The following SKAP2 variants were observed in gnomAD, a reference collection of about 807,000 sequenced individuals.
SKAP2 encodes src kinase associated phosphoprotein 2.
In SKAP2, 28 loss-of-function variants were observed where a neutral mutation model predicts 54.9. The observed-to-expected ratio is 0.51, with a 90% CI of 0.38 to 0.70. SKAP2 has a LOEUF of 0.70. Ranked by LOEUF, SKAP2 falls within the 30% of genes least tolerant of loss-of-function variation. The pLI, the probability that SKAP2 is intolerant of heterozygous loss-of-function variation, is 0.00. For missense variants in SKAP2, 356 were observed against 424.1 expected, an observed-to-expected ratio of 0.84 and a Z score of 1.41; for synonymous variants, 137 against 134.3, an observed-to-expected ratio of 1.02 and a Z score of -0.14.
intron 11 of SKAP2, among the ~76,000 whole-genome samples, chr7:26,679,961 A>C (rs893801053): frequency 1.4e-4 from 22 of 152,226 alleles, no homozygotes; most frequent in African/African-American, 5.3e-4. Context: ...CACAGTCTTA[A>C]CCTACATTTC....
intron 4 of SKAP2, among the ~76,000 whole-genome samples, chr7:26,789,555 T>C (rs1269888237): frequency 1.3e-5 from 2 of 152,210 alleles, no homozygotes; most frequent in Non-Finnish European, 2.9e-5. Flanking sequence ...TAAATGTGTA[T>C]TTTGCATCAT....
At chr7:26,792,925 G>GT (rs1183746750) in intron 4 of SKAP2, among the ~76,000 whole-genome samples, 1 of 152,186 alleles carries the variant, frequency 6.6e-6, no homozygotes, top group African/African-American at 2.4e-5. Flanking sequence ...AATTCTTAAA[G>GT]TTAGATATTA....
In SKAP2 at chr7:26,852,632, A is replaced by C. The variant is rs3801811; in HGVS notation, c.199+1505T>G. Among the ~76,000 whole-genome samples the C allele has an allele frequency of 1.8e-4, 28 of 152,314 alleles. No individual in the cohort carries two copies. In the East Asian group the frequency reaches 5.4e-3, roughly 29 times the overall value. Reference sequence around the variant, plus strand: ...AAATTTCCATTCTCTTTAGAGACAAAGAATGTATCTCAGTAATGTAATTTT... The same window carrying C: ...AAATTTCCATTCTCTTTAGAGACAACGAATGTATCTCAGTAATGTAATTTT... On this transcript the variant is annotated intron_variant, in intron 3 of 12. Transcript: ENST00000345317.
chr7:26,854,906 T>A lies in SKAP2; in HGVS notation c.68-16A>T. The A allele has an allele frequency of 6.6e-7, 1 of 1,505,622 alleles. No homozygotes were observed. The highest frequency in any genetic ancestry group is 9.1e-7 in the Non-Finnish European group (1 of 1,099,678). The allele number at this position is 1,505,622 out of a possible 1,614,324, so 93.3% of individuals were successfully genotyped here. A position where few individuals can be genotyped will look rare whatever the true frequency, so the allele number is the denominator to read the frequency against. ...GTTTCAACATCTAAACCATGCAATA[T>A]AAGAAACAGGATACAAATTATAAGA... On this transcript the variant is annotated splice_polypyrimidine_tract_variant and intron_variant, in intron 1 of 12. Transcript: ENST00000345317.
intron 4 of SKAP2, among the ~76,000 whole-genome samples, chr7:26,808,817 T>C (rs1245851236): frequency 6.6e-6 from 1 of 152,158 alleles, no homozygotes; most frequent in Non-Finnish European, 1.5e-5. Context: ...AATTAAAGAC[T>C]TAAGTGGAAT....
chr7:26,801,578 C>T (rs1017844006), intron 4 of SKAP2, among the ~76,000 whole-genome samples: 1 of 152,120 alleles, frequency 6.6e-6, no homozygotes, highest in African/African-American at 2.4e-5. Flanking sequence ...TCCTTGTTTG[C>T]CAATAATATG....
intron 4 of SKAP2, among the ~76,000 whole-genome samples, chr7:26,743,112 G>A (rs376151193): frequency 7.5e-4 from 114 of 152,238 alleles, no homozygotes; most frequent in Admixed American, 2.1e-3. Context: ...CCGCAATTAC[G>A]TTATCTCACT....
At chr7:26,786,585 A>G (rs1180757639) in intron 4 of SKAP2, among the ~76,000 whole-genome samples, 1 of 152,186 alleles carries the variant, frequency 6.6e-6, no homozygotes, top group African/African-American at 2.4e-5. Flanking sequence ...AGGCAGAGTA[A>G]TAGGGGACCT....
chr7:26,750,163 T>C (rs1202679997), intron 4 of SKAP2, among the ~76,000 whole-genome samples: 2 of 152,140 alleles, frequency 1.3e-5, no homozygotes, highest in Non-Finnish European at 1.5e-5. Flanking sequence ...ATAGAAACCG[T>C]GTCAGACAAC....
intron 9 of SKAP2, among the ~76,000 whole-genome samples, chr7:26,706,845 A>C (rs1374358797): frequency 1.3e-5 from 2 of 152,246 alleles, no homozygotes; most frequent in Non-Finnish European, 2.9e-5. Flanking sequence ...ACATGACTTC[A>C]AATGCAAATA....
chr7:26,841,168 A>G (rs1784809271), intron 4 of SKAP2, among the ~76,000 whole-genome samples: 1 of 152,050 alleles, frequency 6.6e-6, no homozygotes, highest in South Asian at 2.1e-4. Flanking sequence ...TGTTTCTCTG[A>G]CAAAGCTGTG....
At chr7:26,834,402 A>C (rs1414642624) in intron 4 of SKAP2, among the ~76,000 whole-genome samples, 1 of 152,330 alleles carries the variant, frequency 6.6e-6, no homozygotes, top group East Asian at 1.9e-4. Flanking sequence ...CAATGAATTC[A>C]GGAGCTGGTG....
intron 4 of SKAP2, chr7:26,742,431 G>A (rs1242162773): frequency 6.6e-6 from 1 of 152,118 alleles, no homozygotes; most frequent in African/African-American, 2.4e-5. Context: ...GGAAGTGGGG[G>A]AAAAGGAAAA....
At chr7:26,807,513 G>A (rs1220207079) in intron 4 of SKAP2, among the ~76,000 whole-genome samples, 3 of 152,192 alleles carry the variant, frequency 2.0e-5, no homozygotes, top group African/African-American at 7.2e-5. Context: ...TAAGTTTCCT[G>A]AGGCGCCCCC....
At chr7:26,841,604 T>C (rs190434108) in intron 4 of SKAP2, among the ~76,000 whole-genome samples, 7 of 152,066 alleles carry the variant, frequency 4.6e-5, no homozygotes, top group African/African-American at 1.2e-4. Context: ...AAAACACATA[T>C]GGCTTGGGGG....
chr7:26,758,202 AT>A (rs891566700), intron 4 of SKAP2, among the ~76,000 whole-genome samples: 4 of 150,616 alleles, frequency 2.7e-5, no homozygotes, highest in South Asian at 4.2e-4. Flanking sequence ...AGTGTAGGGA[AT>A]TTTTTTTTTC....
chr7:26,694,894 T>C (rs1786864057), intron 9 of SKAP2, among the ~76,000 whole-genome samples: 1 of 152,164 alleles, frequency 6.6e-6, no homozygotes, highest in South Asian at 2.1e-4. Flanking sequence ...CTAATAGGGA[T>C]TGCAAATCTG....
intron 4 of SKAP2, among the ~76,000 whole-genome samples, chr7:26,843,280 A>T (rs1784856154): frequency 6.6e-6 from 1 of 152,038 alleles, no homozygotes; most frequent in African/African-American, 2.4e-5. Flanking sequence ...AGTGCTACAA[A>T]TTAATATGCA....
chr7:26,784,516 G>A (rs889143329), intron 4 of SKAP2, among the ~76,000 whole-genome samples: 2 of 152,230 alleles, frequency 1.3e-5, no homozygotes, highest in African/African-American at 4.8e-5. Flanking sequence ...CCATGTTGCT[G>A]TCTGTGGCTC....
Sources: allele counts gnomAD v4.1 joint callset (sites outside exome capture counted in the v4.1 genomes callset), GRCh38; gene constraint gnomAD v4.1.1; transcripts MANE v1.5; gene names NCBI Gene and HGNC (gene_info 2026-07-23, HGNC 2026-07-21).